ATRNL1: variants seen among roughly 807,000 people sequenced by gnomAD.
The protein encoded by ATRNL1 is attractin-like protein 1.
In ATRNL1, 95 loss-of-function variants were observed where a neutral mutation model predicts 182.7. The ratio of observed to expected loss-of-function variants is 0.52; its 90% CI spans 0.44 to 0.62. ATRNL1 has a LOEUF of 0.62. Ranked by LOEUF, ATRNL1 falls within the 20% of genes least tolerant of loss-of-function variation. The pLI, the probability that ATRNL1 is intolerant of heterozygous loss-of-function variation, is 0.00. For missense variants in ATRNL1, 1,471 were observed against 1,679.5 expected, an observed-to-expected ratio of 0.88 and a Z score of 2.17; for synonymous variants, 576 against 568.3, an observed-to-expected ratio of 1.01 and a Z score of -0.19.
chr10:115,166,541 C>T (rs1033879564), intron 7 of ATRNL1, among the ~76,000 whole-genome samples: 1 of 151,834 alleles, frequency 6.6e-6, no homozygotes, highest in Admixed American at 6.6e-5. Context: ...CACAAGGGTT[C>T]CAGTTTGTCC....
intron 8 of ATRNL1, among the ~76,000 whole-genome samples, chr10:115,213,032 G>A (rs1021642373): frequency 3.3e-5 from 5 of 151,978 alleles, no homozygotes; most frequent in Non-Finnish European, 5.9e-5. Flanking sequence ...ACATGTTGGA[G>A]TATTTTTATC....
intron 24 of ATRNL1, among the ~76,000 whole-genome samples, chr10:115,475,274 G>C (rs1335780988): frequency 1.3e-5 from 2 of 151,216 alleles, no homozygotes; most frequent in African/African-American, 4.8e-5. Flanking sequence ...TCCTTGTCTT[G>C]TTAAACTACT....
chr10:115,493,672 T>G lies in ATRNL1; in HGVS notation c.3654+24343T>G, dbSNP rs184502175. Among the ~76,000 whole-genome samples the G allele has an allele frequency of 8.0e-3, 1,217 of 152,324 alleles. 24 individuals are homozygous for G. The highest frequency in any genetic ancestry group is 0.028 in the African/African-American group (1,170 of 41,568). Reference sequence around the variant, plus strand: ...GGTTGAATGGTAGTTCTGTTTAATGTTCTTTGAGAAATTGCCAAACTGCTT... The same window carrying G: ...GGTTGAATGGTAGTTCTGTTTAATGGTCTTTGAGAAATTGCCAAACTGCTT... On this transcript the variant is annotated intron_variant, in intron 24 of 28. Transcript: ENST00000355044.
rs144855457 is a variant in ATRNL1 at position 115,795,389 on chromosome 10, C to T, written c.3904-52488C>T. ...AGGTGATGAACCCGGTTTCCATTAT[C>T]CTTAATGTATTGAGTCAAAAATAAA... On this transcript the variant is annotated intron_variant, in intron 27 of 28. Transcript: ENST00000355044. 2.6e-5 allele frequency among the ~76,000 whole-genome samples: 4 copies of T among 152,202 alleles called. No individual in the cohort carries two copies. In the East Asian group the frequency reaches 7.8e-4, roughly 29 times the overall value.
intron 27 of ATRNL1, among the ~76,000 whole-genome samples, chr10:115,794,198 C>T (rs1949596762): frequency 6.6e-6 from 1 of 152,088 alleles, no homozygotes; most frequent in South Asian, 2.1e-4. Flanking sequence ...TGTTTTTAAA[C>T]AATCACAAAT....
At chr10:115,472,391 G>T (rs1001388108) in intron 24 of ATRNL1, among the ~76,000 whole-genome samples, 4 of 150,822 alleles carry the variant, frequency 2.7e-5, no homozygotes, top group African/African-American at 9.7e-5. Context: ...AATGTAATTG[G>T]AATTTTGAAA....
chr10:115,783,818 T>C (rs919179922), intron 27 of ATRNL1, among the ~76,000 whole-genome samples: 1 of 152,038 alleles, frequency 6.6e-6, no homozygotes, highest in Non-Finnish European at 1.5e-5. Context: ...ATTGAGACCA[T>C]CCTGGCCAAC....
At chr10:115,719,987 G>T (rs1226796436) in intron 26 of ATRNL1, among the ~76,000 whole-genome samples, 1 of 151,288 alleles carries the variant, frequency 6.6e-6, no homozygotes, top group African/African-American at 2.4e-5. Flanking sequence ...AACCTCCTGA[G>T]TAGCTGGGAT....
chr10:115,366,658 G>A (rs878979465), intron 19 of ATRNL1, among the ~76,000 whole-genome samples: 1,856 of 150,262 alleles, frequency 0.012, 34 homozygotes, highest in African/African-American at 0.042. Flanking sequence ...GGCTGGTACC[G>A]GTTGTTCCTT....
chr10:115,867,106 T>A (rs1189121993), intron 28 of ATRNL1, among the ~76,000 whole-genome samples: 1 of 152,202 alleles, frequency 6.6e-6, no homozygotes, highest in Non-Finnish European at 1.5e-5. Context: ...GAAATTCCTA[T>A]TTTTCACAGA....
chr10:115,675,592 T>C (rs1023891025), intron 26 of ATRNL1, among the ~76,000 whole-genome samples: 1 of 152,120 alleles, frequency 6.6e-6, no homozygotes, highest in Non-Finnish European at 1.5e-5. Flanking sequence ...GCATGCTATC[T>C]TCCAAAGTTC....
At chr10:115,425,788 A>G (rs1270651512) in intron 20 of ATRNL1, among the ~76,000 whole-genome samples, 1 of 152,050 alleles carries the variant, frequency 6.6e-6, no homozygotes, top group Non-Finnish European at 1.5e-5. Flanking sequence ...AAACTGGTGT[A>G]GAAAATTTTT....
intron 28 of ATRNL1, among the ~76,000 whole-genome samples, chr10:115,919,699 C>T (rs1952987219): frequency 6.6e-6 from 1 of 152,024 alleles, no homozygotes; most frequent in African/African-American, 2.4e-5. Context: ...ACAACAAAAA[C>T]ATCATTGGGT....
chr10:115,610,153 G>A (rs892854591), intron 26 of ATRNL1, among the ~76,000 whole-genome samples: 14 of 152,176 alleles, frequency 9.2e-5, no homozygotes, highest in African/African-American at 2.9e-4. Flanking sequence ...GCTTGTAGAC[G>A]TTATGTAACT....
chr10:115,672,350 C>T (rs1003664488), intron 26 of ATRNL1, among the ~76,000 whole-genome samples: 4 of 152,078 alleles, frequency 2.6e-5, no homozygotes, highest in African/African-American at 9.7e-5. Context: ...GAAGCCTATT[C>T]TTTTTCCAAC....
chr10:115,247,498 G>T (rs1337281806), intron 10 of ATRNL1, among the ~76,000 whole-genome samples: 3 of 152,148 alleles, frequency 2.0e-5, no homozygotes, highest in African/African-American at 7.2e-5. Flanking sequence ...CGCCATTTAG[G>T]ATATCTATTA....
rs781883946 is a variant in ATRNL1, at chr10:115,241,720, A to G, written c.1682A>G (p.Asp561Gly). 6.2e-7 allele frequency: 1 copy of G among 1,608,594 alleles called. No individual in the cohort carries two copies. The highest frequency in any genetic ancestry group is 8.5e-7 in the Non-Finnish European group (1 of 1,176,218). ...KCFSADFLAY[D>G]IACDEWKILP... is the part of the protein sequence containing the mutation. ...TTTTCTGCCGATTTCCTGGCATATG[A>G]CATAGGTATGTATCTGTTAGGATTG... The change falls in exon 10 of 29, where the codon GAC becomes GGC. Residue 561 changes from aspartate (D) to glycine (G), a missense_variant. Physicochemically the swap from Asp to Gly is moderately conservative, Grantham distance 94. Around this residue, in one of 3 missense-constraint regions of ATRNL1, gnomAD observed 1,031 missense variants for 1,156.0 expected, o/e 0.89. Coordinates refer to ENST00000355044, the MANE Select transcript of ATRNL1 (RefSeq NM_207303.4).
intron 26 of ATRNL1, among the ~76,000 whole-genome samples, chr10:115,722,161 T>C (rs1947447249): frequency 6.6e-6 from 1 of 151,548 alleles, no homozygotes; most frequent in Non-Finnish European, 1.5e-5. Context: ...CAGTGAATAC[T>C]TGTCAGTGTT....
intron 26 of ATRNL1, among the ~76,000 whole-genome samples, chr10:115,562,396 G>A (rs1555000043): frequency 2.0e-5 from 3 of 152,030 alleles, no homozygotes; most frequent in African/African-American, 7.2e-5. Flanking sequence ...ATTAGACTGT[G>A]GTAATTGTTG....
Sources: gnomAD v4.1 joint callset for allele counts (sites outside exome capture counted in the v4.1 genomes callset) on GRCh38, gnomAD v4.1.1 for gene constraint, gnomAD v4.1.1 regional missense constraint, MANE v1.5 for transcripts, NCBI Gene and HGNC (gene_info 2026-07-23, HGNC 2026-07-21) for gene names.